SENP7: variants seen among roughly 807,000 people sequenced by gnomAD.
SENP7 encodes the protein sentrin-specific protease 7.
In SENP7, 64 loss-of-function variants were observed where a neutral mutation model predicts 141.2. The observed-to-expected ratio is 0.45, with a 90% CI of 0.37 to 0.56. The LOEUF is 0.56. SENP7 is among the 20% of genes least tolerant of loss of function. The pLI is 0.00. For synonymous variants in SENP7, 382 were observed against 426.4 expected (o/e 0.90, Z 1.28); for missense variants, 1,025 against 1,212.2 (o/e 0.85, Z 2.29).
intron 1 of SENP7, among the ~76,000 whole-genome samples, chr3:101,509,454 C>T (rs891949595): frequency 6.6e-6 from 1 of 152,158 alleles, no homozygotes; most frequent in African/African-American, 2.4e-5. Context: ...TACTCTCCTC[C>T]CTTTCTTCCC....
chr3:101,399,190 T>C, intron 5 of SENP7, 135 bp from the exon 6 acceptor site: 1 of 480,860 alleles, frequency 2.1e-6, no homozygotes, highest in Non-Finnish European at 3.5e-6. Context: ...CCCTAGAAAT[T>C]AACCCATAAA....
At chr3:101,476,047 C>T (rs2064200539) in intron 3 of SENP7, among the ~76,000 whole-genome samples, 1 of 152,172 alleles carries the variant, frequency 6.6e-6, no homozygotes, top group Admixed American at 6.6e-5. Flanking sequence ...ACACTCTTCT[C>T]ACGAGCACAA....
At position 101,470,657 on chromosome 3, in the gene SENP7, C is replaced by T. The variant is rs190099189; in HGVS notation, c.187-11605G>A. 3.7e-3 allele frequency among the ~76,000 whole-genome samples: 561 copies of T among 152,188 alleles called. 6 individuals are homozygous for T. Among genetic ancestry groups the T allele is most frequent in the Non-Finnish European group, 5.7e-3 (389 of 68,028 alleles). On this transcript the variant is annotated intron_variant, in intron 3 of 23. Transcript: ENST00000394095. The stretch of plus-strand genomic sequence containing the variant: ...TATTGGAAGTTCTGGCCAGGGCAAT[C>T]GGGCAAGAGAAAGAAATAAAGAGTA...
At chr3:101,426,833 G>C (rs1025915500) in intron 4 of SENP7, among the ~76,000 whole-genome samples, 6 of 152,044 alleles carry the variant, frequency 3.9e-5, no homozygotes, top group African/African-American at 1.4e-4. Context: ...ATTACCACAC[G>C]ACCTGCCTTG....
chr3:101,426,471 A>C (rs2061960764), intron 4 of SENP7, among the ~76,000 whole-genome samples: 1 of 138,258 alleles, frequency 7.2e-6, no homozygotes, highest in African/African-American at 2.7e-5. Context: ...TCATAAGTGA[A>C]GGAGAAATAA....
At chr3:101,332,208 T>C in intron 18 of SENP7, 99 bp from the exon 19 acceptor site, 1 of 1,238,482 alleles carries the variant, frequency 8.1e-7, no homozygotes, top group Non-Finnish European at 1.1e-6. Flanking sequence ...AAATTTCATA[T>C]TAATTTTGAA....
chr3:101,341,510 A>G (rs1317589249), intron 15 of SENP7, 136 bp downstream of exon 15: 6 of 756,244 alleles, frequency 7.9e-6, no homozygotes, highest in African/African-American at 1.8e-5. Context: ...ATTTCTTTAA[A>G]AAAACCTATT....
At chr3:101,391,977 A>G (rs2060829610) in intron 6 of SENP7, among the ~76,000 whole-genome samples, 1 of 152,158 alleles carries the variant, frequency 6.6e-6, no homozygotes, top group Admixed American at 6.5e-5. Context: ...CCATGTGATC[A>G]CCTCAACAGA....
At chr3:101,483,158 G>C (rs988258261) in intron 3 of SENP7, among the ~76,000 whole-genome samples, 3 of 152,068 alleles carry the variant, frequency 2.0e-5, no homozygotes, top group Non-Finnish European at 4.4e-5. Flanking sequence ...GTTTACTGCA[G>C]CGCTATTTAC....
rs377579284 is a variant in SENP7, at chr3:101,510,843, C to CAAAAA, written c.40+2243_40+2247dup. Among the ~76,000 whole-genome samples the CAAAAA allele has an allele frequency of 2.2e-4, 17 of 78,348 alleles. 2 individuals are homozygous for CAAAAA. Among genetic ancestry groups the CAAAAA allele is most frequent in the Admixed American group, 5.3e-4 (3 of 5,640 alleles). 51.4% of individuals were successfully genotyped at this position (78,348 alleles called of 152,430 possible). A position where few individuals can be genotyped will look rare whatever the true frequency, so the allele number is the denominator to read the frequency against. ...TGGGCAACAGAGCGAGACTCCATCTCAAAAAAAAAAAAAAAAAAAAGTCAC... is the reference window on the plus strand; with the variant it reads ...TGGGCAACAGAGCGAGACTCCATCTCAAAAAAAAAAAAAAAAAAAAAAAAAGTCAC... On this transcript the variant is annotated intron_variant, in intron 1 of 23. Coordinates refer to ENST00000394095, the MANE Select transcript of SENP7 (RefSeq NM_020654.5).
chr3:101,388,951 GA>G (rs1234140035), intron 6 of SENP7, among the ~76,000 whole-genome samples: 1 of 151,124 alleles, frequency 6.6e-6, no homozygotes, highest in East Asian at 1.9e-4. Context: ...CATAAAAAAA[GA>G]AAAAAAGAAT....
chr3:101,418,321 CAA>C (rs75626706), intron 4 of SENP7, among the ~76,000 whole-genome samples: 9 of 139,464 alleles, frequency 6.5e-5, no homozygotes, highest in Non-Finnish European at 6.3e-5. Flanking sequence ...ATACCAATTT[CAA>C]AAAAAAAAAA....
In SENP7 at chr3:101,402,616, C is replaced by CAAAAAAAA. The variant is rs58525002; in HGVS notation, c.483-3569_483-3562dup. ...TGGGCGACAGAGCAAGACTCCGTCT[C>CAAAAAAAA]AAAAAAAAAAAAAAAAAAATGCTAA... On this transcript the variant is annotated intron_variant, in intron 5 of 23. Transcript: ENST00000394095. 9.6e-3 allele frequency among the ~76,000 whole-genome samples: 899 copies of CAAAAAAAA among 93,468 alleles called. 34 individuals carry two copies. Among genetic ancestry groups the CAAAAAAAA allele is most frequent in the African/African-American group, 0.035 (814 of 23,208 alleles). 61.3% of individuals were successfully genotyped at this position (93,468 alleles called of 152,430 possible).
chr3:101,463,396 T>TATATATACATATATATATATAC (rs1320861204), intron 3 of SENP7, among the ~76,000 whole-genome samples: 1 of 82,862 alleles, frequency 1.2e-5, no homozygotes. Context: ...TATATATATA[T>TATATATACATATATATATATAC]ACATATATAT....
At chr3:101,382,304 G>C (rs2060524846) in intron 6 of SENP7, among the ~76,000 whole-genome samples, 2 of 152,078 alleles carry the variant, frequency 1.3e-5, no homozygotes, top group South Asian at 2.1e-4. Context: ...AGCTTTCTTA[G>C]TAGATAGGAC....
chr3:101,381,557 G>A (rs2060502906), intron 6 of SENP7, among the ~76,000 whole-genome samples: 1 of 151,828 alleles, frequency 6.6e-6, no homozygotes, highest in African/African-American at 2.4e-5. Context: ...ATATAAATAT[G>A]CATTATTGTT....
chr3:101,440,805 T>A (rs1186057250), intron 4 of SENP7, among the ~76,000 whole-genome samples: 1 of 152,148 alleles, frequency 6.6e-6, no homozygotes, highest in Non-Finnish European at 1.5e-5. Flanking sequence ...AAGAATATTA[T>A]AAATCAGATC....
At chr3:101,486,194 A>C (rs886871393) in intron 3 of SENP7, among the ~76,000 whole-genome samples, 1 of 151,884 alleles carries the variant, frequency 6.6e-6, no homozygotes, top group Non-Finnish European at 1.5e-5. Context: ...ATTCTGGAAT[A>C]ACCAAGGAAA....
intron 4 of SENP7, among the ~76,000 whole-genome samples, chr3:101,420,615 G>A (rs2061764359): frequency 6.6e-6 from 1 of 152,116 alleles, no homozygotes; most frequent in Admixed American, 6.5e-5. Context: ...AACAGATCTG[G>A]CAGGCACCAT....
Sources: allele counts gnomAD v4.1 joint callset (sites outside exome capture counted in the v4.1 genomes callset), GRCh38; gene constraint gnomAD v4.1.1; transcripts MANE v1.5; gene names NCBI Gene and HGNC (gene_info 2026-07-23, HGNC 2026-07-21).